CCSER1: variants seen among roughly 807,000 people sequenced by gnomAD.
CCSER1 encodes coiled-coil serine rich protein 1, also known as serine-rich coiled-coil domain-containing protein 1.
Under a neutral mutation model 82.0 loss-of-function variants are expected in CCSER1, and 41 were observed. That is an observed-to-expected ratio of 0.50 (90% confidence interval 0.39 to 0.65). CCSER1 has a LOEUF of 0.65. Ranked by LOEUF, CCSER1 falls within the 30% of genes least tolerant of loss-of-function variation. The probability of loss-of-function intolerance (pLI) is 0.00; values close to 1 mark genes in which losing one functional copy is unlikely to be tolerated. For missense variants in CCSER1, 1,119 were observed against 1,064.2 expected, an observed-to-expected ratio of 1.05 and a Z score of -0.72; for synonymous variants, 414 against 383.9, an observed-to-expected ratio of 1.08 and a Z score of -0.92.
At chr4:90,384,239 C>T (rs1749663079) in intron 3 of CCSER1, among the ~76,000 whole-genome samples, 1 of 151,482 alleles carries the variant, frequency 6.6e-6, no homozygotes, top group African/African-American at 2.4e-5. Context: ...GTGCTGCACC[C>T]ATTAACTCGT....
chr4:91,102,581 A>G (rs1174605712), intron 10 of CCSER1, among the ~76,000 whole-genome samples: 3 of 152,234 alleles, frequency 2.0e-5, no homozygotes, highest in African/African-American at 7.2e-5. Flanking sequence ...TTTATAAGGC[A>G]CATAAGTTAT....
intron 5 of CCSER1, among the ~76,000 whole-genome samples, chr4:90,627,696 T>G (rs925910561): frequency 6.6e-6 from 1 of 151,978 alleles, no homozygotes; most frequent in Non-Finnish European, 1.5e-5. Context: ...ACTACTATCA[T>G]GAGGATGGAA....
At chr4:90,564,600 A>G (rs975215314) in intron 5 of CCSER1, among the ~76,000 whole-genome samples, 2 of 151,044 alleles carry the variant, frequency 1.3e-5, no homozygotes, top group Non-Finnish European at 2.9e-5. Flanking sequence ...GCCATTGCCC[A>G]CTCTAATGTC....
intron 10 of CCSER1, among the ~76,000 whole-genome samples, chr4:91,447,188 G>A (rs1052189721): frequency 3.9e-5 from 6 of 152,118 alleles, no homozygotes; most frequent in African/African-American, 1.4e-4. Flanking sequence ...GAAGTCCAGT[G>A]ACTTTTGAGG....
chr4:90,391,661 A>C lies in CCSER1; in HGVS notation c.1510-8375A>C, dbSNP rs558088217. On this transcript the variant is annotated intron_variant, in intron 3 of 10. Coordinates refer to ENST00000509176, the MANE Select transcript of CCSER1 (RefSeq NM_001145065.2). ...CAAATGGGTAATGAGTAGTGTGTAG[A>C]ACAAATTATAAATGAGAGTTGAGGA... Among the ~76,000 whole-genome samples the C allele has an allele frequency of 1.3e-4, 20 of 151,354 alleles. No homozygotes were observed. In the East Asian group the frequency reaches 3.9e-3, roughly 29 times the overall value.
chr4:91,261,324 C>T (rs1741115709), intron 10 of CCSER1, among the ~76,000 whole-genome samples: 1 of 152,180 alleles, frequency 6.6e-6, no homozygotes, highest in Non-Finnish European at 1.5e-5. Flanking sequence ...CGATCAAGTT[C>T]TTAGGTCAAT....
At chr4:90,753,772 G>T (rs997061220) in intron 7 of CCSER1, among the ~76,000 whole-genome samples, 1 of 152,254 alleles carries the variant, frequency 6.6e-6, no homozygotes, top group South Asian at 2.1e-4. Context: ...AAGTGAAACT[G>T]CTTTCTAAGG....
rs1372911563 is a variant in CCSER1, at chr4:91,441,044, A to T, written c.2218-157528A>T. Among the ~76,000 whole-genome samples the T allele has an allele frequency of 2.6e-5, 4 of 152,070 alleles. No homozygotes were observed. In the South Asian group the frequency reaches 6.2e-4, roughly 24 times the overall value. ...ACAGCCGAATTCTACCAGAGGTACAAGGAGGAACTGGTACCATTCCTTCTG... is the reference window on the plus strand; with the variant it reads ...ACAGCCGAATTCTACCAGAGGTACATGGAGGAACTGGTACCATTCCTTCTG... On this transcript the variant is annotated intron_variant, in intron 10 of 10. Transcript: ENST00000509176.
intron 10 of CCSER1, among the ~76,000 whole-genome samples, chr4:91,184,824 G>A (rs1264660335): frequency 2.0e-5 from 3 of 152,072 alleles, no homozygotes; most frequent in Non-Finnish European, 2.9e-5. Context: ...TTCATGCATT[G>A]TATGTTGATT....
At chr4:90,174,077 C>T (rs555146534) in intron 1 of CCSER1, among the ~76,000 whole-genome samples, 4 of 151,948 alleles carry the variant, frequency 2.6e-5, no homozygotes, top group Non-Finnish European at 4.4e-5. Context: ...TTGTTAAATA[C>T]ATAAAATCAC....
chr4:90,215,251 C>T (rs1740806774), intron 1 of CCSER1, among the ~76,000 whole-genome samples: 1 of 152,198 alleles, frequency 6.6e-6, no homozygotes, highest in Non-Finnish European at 1.5e-5. Flanking sequence ...TACATGATTA[C>T]ATTGTAGCCT....
chr4:91,552,132 T>A (rs1347025316), intron 10 of CCSER1, among the ~76,000 whole-genome samples: 1 of 150,414 alleles, frequency 6.6e-6, no homozygotes, highest in Non-Finnish European at 1.5e-5. Context: ...AATTCAAGTA[T>A]GTGCTCAGAT....
chr4:90,915,513 C>G (rs1727218193), intron 8 of CCSER1, among the ~76,000 whole-genome samples: 1 of 152,112 alleles, frequency 6.6e-6, no homozygotes, highest in African/African-American at 2.4e-5. Flanking sequence ...TGGGATGTAT[C>G]TCAAAATAAT....
At chr4:90,862,217 G>T (rs1765199015) in intron 8 of CCSER1, among the ~76,000 whole-genome samples, 1 of 151,748 alleles carries the variant, frequency 6.6e-6, no homozygotes, top group Non-Finnish European at 1.5e-5. Flanking sequence ...AAGGTTCTCA[G>T]CATAAAAATA....
chr4:90,228,666 T>C (rs1482140443), intron 1 of CCSER1, among the ~76,000 whole-genome samples: 4 of 152,030 alleles, frequency 2.6e-5, no homozygotes, highest in East Asian at 1.9e-4. Flanking sequence ...GATGATCAAA[T>C]TACTCCGAGC....
intron 5 of CCSER1, among the ~76,000 whole-genome samples, chr4:90,591,025 G>A (rs1166423983): frequency 1.3e-5 from 2 of 152,066 alleles, no homozygotes; most frequent in Admixed American, 6.6e-5. Context: ...TCCCTTGTAA[G>A]TTGTATTCCT....
At chr4:91,563,913 G>A (rs138547871) in intron 10 of CCSER1, among the ~76,000 whole-genome samples, 1 of 151,878 alleles carries the variant, frequency 6.6e-6, no homozygotes, top group African/African-American at 2.4e-5. Context: ...TAGATTTGGT[G>A]ATACATATGA....
Position 91,599,283 on chromosome 4 carries a change from T to G in CCSER1, c.*226T>G, listed in dbSNP as rs1764726336. On this transcript the variant is annotated 3_prime_UTR_variant, in exon 11 of 11. Transcript: ENST00000509176. ...AACTAGGTTGCATTGCCTTGAAGAC[T>G]TTACTATATAGGTGTATAATAAATG... 2.1e-6 allele frequency: 1 copy of G among 482,780 alleles called. No homozygotes were observed. The highest frequency in any genetic ancestry group is 3.6e-6 in the Non-Finnish European group (1 of 274,378). The allele number at this position is 482,780 out of a possible 1,614,324, so 29.9% of individuals were successfully genotyped here.
At chr4:90,248,053 A>G (rs956271236) in intron 1 of CCSER1, among the ~76,000 whole-genome samples, 1 of 152,154 alleles carries the variant, frequency 6.6e-6, no homozygotes, top group Admixed American at 6.6e-5. Flanking sequence ...CAGGAGTTGT[A>G]TATTATATTA....
Sources: allele counts gnomAD v4.1 joint callset (sites outside exome capture counted in the v4.1 genomes callset), GRCh38; gene constraint gnomAD v4.1.1; transcripts MANE v1.5; gene names NCBI Gene and HGNC (gene_info 2026-07-23, HGNC 2026-07-21).